Variants in DHX29 observed in about 807,000 individuals in gnomAD.
DHX29 encodes the protein ATP-dependent RNA helicase DHX29.
DHX29 carries 79 observed loss-of-function variants against 167.9 expected under a neutral mutation model. The observed-to-expected ratio is 0.47, with a 90% confidence interval of 0.39 to 0.57. DHX29 has a LOEUF of 0.57. Ranked by LOEUF, DHX29 falls within the 20% of genes least tolerant of loss-of-function variation. DHX29 has a pLI of 0.00. For missense variants in DHX29, 1,347 were observed against 1,593.4 expected (o/e 0.85, Z 2.63); for synonymous variants, 530 against 546.0 (o/e 0.97, Z 0.41).
In DHX29 at chr5:55,289,422, T is replaced by C. The variant is rs777325533; in HGVS notation, c.914A>G (p.Glu305Gly). 3.7e-5 allele frequency: 56 copies of C among 1,532,040 alleles called. No homozygotes were observed. Among genetic ancestry groups the C allele is most frequent in the Non-Finnish European group, 4.7e-5 (54 of 1,152,008 alleles). The allele number at this position is 1,532,040 out of a possible 1,614,324, so 94.9% of individuals were successfully genotyped here. A position where few individuals can be genotyped will look rare whatever the true frequency, so the allele number is the denominator to read the frequency against. Residue 305 changes from glutamate to glycine, a missense_variant, in exon 8 of 27, where the codon GAA becomes GGA. Glu to Gly is a moderately conservative substitution (Grantham distance 98, BLOSUM62 -2). This residue lies in a region of DHX29 where 405 missense variants were observed against 416.8 expected (regional missense o/e 0.97). Coordinates refer to ENST00000251636, the MANE Select transcript of DHX29 (RefSeq NM_019030.4). ...EKIRKFQREM[E>G]TLEDHPVFNP... The stretch of plus-strand genomic sequence containing the variant: ...AAATACTGGATGGTCTTCTAAAGTT[T>C]CCATTTCTACCAAGAAAAAAATATA...
At chr5:55,296,154 T>C in intron 4 of DHX29, 66 bp downstream of exon 4, 2 of 1,505,850 alleles carry the variant, frequency 1.3e-6, no homozygotes, top group Admixed American at 2.1e-5. Context: ...AGCCAAAAGG[T>C]TGATACAAAT....
intron 1 of DHX29, among the ~76,000 whole-genome samples, chr5:55,301,980 G>A (rs1748627711): frequency 6.6e-6 from 1 of 152,060 alleles, no homozygotes; most frequent in South Asian, 2.1e-4. Context: ...GTACATCTGG[G>A]CAGTCTGAAA....
At chr5:55,295,145 C>G (rs905724137) in intron 5 of DHX29, 1 of 376,152 alleles carries the variant, frequency 2.7e-6, no homozygotes, top group Non-Finnish European at 4.8e-6. Context: ...AAACACCTTG[C>G]TGAGCCCAGC....
At chr5:55,290,120 A>G (rs1302405543) in intron 7 of DHX29, 98 bp downstream of exon 7, 1 of 1,387,060 alleles carries the variant, frequency 7.2e-7, no homozygotes, top group African/African-American at 1.4e-5. Context: ...ACTGTTAGAA[A>G]AGGGTAGACA....
At chr5:55,305,661 A>C (rs1034073652) in intron 1 of DHX29, among the ~76,000 whole-genome samples, 10 of 152,216 alleles carry the variant, frequency 6.6e-5, no homozygotes, top group Admixed American at 2.6e-4. Flanking sequence ...ATTCACAGGT[A>C]CCAAGACTAG....
chr5:55,276,929 C>G (rs758835219), intron 13 of DHX29, among the ~76,000 whole-genome samples, 177 bp downstream of exon 13: 1 of 152,160 alleles, frequency 6.6e-6, no homozygotes, highest in African/African-American at 2.4e-5. Flanking sequence ...TCTCTCCTAT[C>G]CAGCCTCAGG....
chr5:55,263,888 T>C (rs1267960743), intron 23 of DHX29, among the ~76,000 whole-genome samples: 1 of 151,274 alleles, frequency 6.6e-6, no homozygotes. Flanking sequence ...GCAGTTTTTT[T>C]TAATCACAAA....
intron 1 of DHX29, among the ~76,000 whole-genome samples, chr5:55,306,997 C>T (rs1189650015): frequency 6.6e-6 from 1 of 152,160 alleles, no homozygotes; most frequent in Admixed American, 6.5e-5. Context: ...ATATGAAAAA[C>T]TGACAGAAAA....
chr5:55,293,919 C>T, intron 6 of DHX29, 98 bp downstream of exon 6: 2 of 1,358,106 alleles, frequency 1.5e-6, no homozygotes, highest in African/African-American at 1.5e-5. Flanking sequence ...CTTGGAGGTA[C>T]ATTTCCAATT....
At chr5:55,290,476 G>T in intron 6 of DHX29, 132 bp from the exon 7 acceptor site, 1 of 1,128,754 alleles carries the variant, frequency 8.9e-7, no homozygotes, top group Non-Finnish European at 1.2e-6. Context: ...CTACTTTTAG[G>T]AATTTTTCAT....
intron 1 of DHX29, among the ~76,000 whole-genome samples, chr5:55,301,412 GCTGTA>G (rs1561172070): frequency 6.6e-6 from 1 of 152,082 alleles, no homozygotes; most frequent in Non-Finnish European, 1.5e-5. Context: ...GAGAAACACT[GCTGTA>G]TAAGAATGAT....
Position 55,289,379 on chromosome 5 carries a change from A to C in DHX29, c.957T>G (p.Ile319Met), listed in dbSNP as rs772724634. 1.2e-6 allele frequency: 2 copies of C among 1,601,190 alleles called. No individual in the cohort carries two copies. Among genetic ancestry groups the C allele is most frequent in the Non-Finnish European group, 1.7e-6 (2 of 1,176,184 alleles). Residue 319 changes from isoleucine (I) to methionine (M), a missense_variant, in exon 8 of 27, where the codon ATT becomes ATG. Ile to Met is a conservative substitution (Grantham distance 10, BLOSUM62 1). This residue lies in a region of DHX29 where 405 missense variants were observed against 416.8 expected (regional missense o/e 0.97). Transcript: ENST00000251636. ...TTTTCCTTTCATTTTGTTGATGTGAAATCTTCATGGCTGGGTTAAATACTG... is the reference window on the plus strand; with the variant it reads ...TTTTCCTTTCATTTTGTTGATGTGACATCTTCATGGCTGGGTTAAATACTG... Reference protein sequence around the residue: ...DHPVFNPAMKISHQQNERKKP... With the variant: ...DHPVFNPAMKMSHQQNERKKP...
At position 55,274,662 on chromosome 5, in the gene DHX29, T is replaced by C. The variant is rs749940456; in HGVS notation, c.2642A>G (p.Gln881Arg). 1.2e-6 allele frequency: 2 copies of C among 1,605,326 alleles called. No homozygotes were observed. The highest frequency in any genetic ancestry group is 1.7e-6 in the Non-Finnish European group (2 of 1,176,958). Reference sequence around the variant, plus strand: ...ATTTGATAGAAGATCATACAACTGCTGAATATGAGCAAGTCCTGGTAAAAA... The same window carrying C: ...ATTTGATAGAAGATCATACAACTGCCGAATATGAGCAAGTCCTGGTAAAAA... The part of the protein sequence containing the change: ...LIFLPGLAHI[Q>R]QLYDLLSNDR... Residue 881 changes from glutamine (Q) to arginine (R), a missense_variant, in exon 16 of 27, where the codon CAG (glutamine) becomes CGG (arginine). This residue lies in a region of DHX29 where 882 missense variants were observed against 1,082.4 expected (regional missense o/e 0.81). Coordinates refer to ENST00000251636, the MANE Select transcript of DHX29 (RefSeq NM_019030.4).
chr5:55,281,718 C>G, intron 11 of DHX29, among the ~76,000 whole-genome samples: 1 of 151,910 alleles, frequency 6.6e-6, no homozygotes, highest in South Asian at 2.1e-4. Flanking sequence ...AAAGCATTTT[C>G]CCATGGTCTT....
At chr5:55,278,171 A>G (rs974486993) in intron 12 of DHX29, among the ~76,000 whole-genome samples, 1 of 152,190 alleles carries the variant, frequency 6.6e-6, no homozygotes, top group Non-Finnish European at 1.5e-5. Flanking sequence ...GAACTTTAGT[A>G]TCTGTGGACT....
At chr5:55,263,558 G>A (rs941357500) in intron 23 of DHX29, among the ~76,000 whole-genome samples, 2 of 151,712 alleles carry the variant, frequency 1.3e-5, no homozygotes, top group African/African-American at 4.8e-5. Context: ...TTAAGTTTGG[G>A]GCTTAAGGGA....
intron 6 of DHX29, among the ~76,000 whole-genome samples, chr5:55,292,524 C>T (rs1014994600): frequency 6.6e-6 from 1 of 152,234 alleles, no homozygotes; most frequent in South Asian, 2.1e-4. Context: ...CAAACCACCT[C>T]GAATGCTACT....
Position 55,277,135 on chromosome 5 carries a change from T to C in DHX29, c.2257A>G (p.Arg753Gly), listed in dbSNP as rs1045011017. 2 of 1,610,342 alleles carry C rather than the reference T, an allele frequency of 1.2e-6. No homozygotes were observed. Among genetic ancestry groups the C allele is most frequent in the African/African-American group, 2.7e-5 (2 of 74,732 alleles). Residue 753 changes from arginine (R) to glycine (G), a missense_variant, in exon 13 of 27, where the codon AGA becomes GGA. By Grantham distance (125) the Arg-to-Gly change is moderately radical. Around this residue, in one of 3 missense-constraint regions of DHX29, gnomAD observed 882 missense variants for 1,082.4 expected, o/e 0.81. Transcript: ENST00000251636. ...ACAGGATAACTTCTTCCTGAAATTC[T>C]GAGAATGGGGCAGTGTGTGAAATAT... ...STYFTHCPILRISGRSYPVEV... is the reference protein window; with the variant it reads ...STYFTHCPILGISGRSYPVEV...
intron 22 of DHX29, 118 bp from the exon 23 acceptor site, chr5:55,267,349 G>A: frequency 1.4e-6 from 1 of 726,766 alleles, no homozygotes; most frequent in Non-Finnish European, 2.2e-6. Flanking sequence ...AAAGGGGAGG[G>A]ATCTTGCTTG....
Sources: gnomAD v4.1 joint callset for allele counts (sites outside exome capture counted in the v4.1 genomes callset) on GRCh38, gnomAD v4.1.1 for gene constraint, gnomAD v4.1.1 regional missense constraint, MANE v1.5 for transcripts, NCBI Gene and HGNC (gene_info 2026-07-23, HGNC 2026-07-21) for gene names.